The following CTNNA1 variants were observed in gnomAD, a reference collection of about 807,000 sequenced individuals.
The protein encoded by CTNNA1 is catenin alpha 1.
A neutral mutation model predicts 98.4 loss-of-function variants in CTNNA1; 37 were observed. The ratio of observed to expected loss-of-function variants is 0.38; its 90% CI spans 0.29 to 0.49. The LOEUF (loss-of-function observed/expected upper bound fraction) is 0.49, where lower values mean the gene tolerates loss of function less well. Ranked by LOEUF, CTNNA1 falls within the 20% of genes least tolerant of loss-of-function variation. The pLI, the probability that CTNNA1 is intolerant of heterozygous loss-of-function variation, is 0.95. For synonymous variants in CTNNA1, 404 were observed against 413.2 expected (o/e 0.98, Z 0.27); for missense variants, 761 against 1,147.2 (o/e 0.66, Z 4.86).
At chr5:138,799,024 ACT>A (rs1186473483) in intron 3 of CTNNA1, among the ~76,000 whole-genome samples, 2 of 151,684 alleles carry the variant, frequency 1.3e-5, no homozygotes, top group East Asian at 1.9e-4. Flanking sequence ...ATGGAGTCTT[ACT>A]CTGTCACCCA....
chr5:138,922,043 T>G (rs1371936667), intron 11 of CTNNA1, among the ~76,000 whole-genome samples: 1 of 152,122 alleles, frequency 6.6e-6, no homozygotes, highest in East Asian at 1.9e-4. Flanking sequence ...GCAGCAGCCC[T>G]GCATACGCTG....
intron 1 of CTNNA1, 37 bp from the exon 2 acceptor site, chr5:138,781,886 T>A (rs1372950951): frequency 6.5e-7 from 1 of 1,544,382 alleles, no homozygotes; most frequent in South Asian, 1.2e-5. Context: ...TGTTTGTGTT[T>A]GATGTTTGCC....
intron 7 of CTNNA1, among the ~76,000 whole-genome samples, chr5:138,846,774 C>G (rs1005522444): frequency 6.6e-6 from 1 of 152,152 alleles, no homozygotes; most frequent in Non-Finnish European, 1.5e-5. Context: ...AAAAACCCCT[C>G]AAATTATACT....
In CTNNA1 at chr5:138,934,191, C is replaced by T; in HGVS notation, c.*102C>T. ...TAAATACAACACTGATACTAGATTC[C>T]ACAGGGAAATGGGCAGACTGAACCA... On this transcript the variant is annotated 3_prime_UTR_variant, in exon 18 of 18. Transcript: ENST00000302763. 1.2e-6 allele frequency: 1 copy of T among 862,662 alleles called. No homozygotes were observed. Among genetic ancestry groups the T allele is most frequent in the Non-Finnish European group, 1.8e-6 (1 of 561,008 alleles). The allele number at this position is 862,662 out of a possible 1,614,324, so 53.4% of individuals were successfully genotyped here.
At chr5:138,903,802 C>A (rs1321253377) in intron 9 of CTNNA1, among the ~76,000 whole-genome samples, 4 of 152,138 alleles carry the variant, frequency 2.6e-5, no homozygotes, top group African/African-American at 9.7e-5. Context: ...TGCCTTTGGT[C>A]CATCTTGATG....
At chr5:138,880,013 A>G (rs1159036158) in intron 7 of CTNNA1, among the ~76,000 whole-genome samples, 1 of 152,224 alleles carries the variant, frequency 6.6e-6, no homozygotes, top group East Asian at 1.9e-4. Flanking sequence ...TAGTTCAGCA[A>G]GAAATCTTGG....
intron 7 of CTNNA1, among the ~76,000 whole-genome samples, chr5:138,867,454 T>A (rs1191455684): frequency 1.3e-5 from 2 of 152,178 alleles, no homozygotes; most frequent in Non-Finnish European, 2.9e-5. Context: ...AGGTGTAGAA[T>A]CCTGTCCTGA....
Position 138,931,854 on chromosome 5 carries a change from C to G in CTNNA1, c.2299-724C>G, listed in dbSNP as rs925807440. On this transcript the variant is annotated intron_variant, in intron 16 of 17. Coordinates refer to ENST00000302763, the MANE Select transcript of CTNNA1 (RefSeq NM_001903.5). ...ACCACTCTCTGTGGTGTACTTTGCT[C>G]CAGCCTCACTGGAAGAAAATGTTTG... 1.3e-5 allele frequency: 13 copies of G among 985,380 alleles called. No individual in the cohort carries two copies. In the African/African-American group the frequency reaches 2.3e-4, roughly 17 times the overall value. 61.0% of individuals were successfully genotyped at this position (985,380 alleles called of 1,614,324 possible).
chr5:138,932,992 G>A (rs1271263372), intron 17 of CTNNA1: 1 of 765,464 alleles, frequency 1.3e-6, no homozygotes, highest in African/African-American at 1.7e-5. Flanking sequence ...TTGGGACCGG[G>A]CGTGGTGGCA....
rs1286464491 is a variant in CTNNA1 at position 138,934,538 on chromosome 5, CCTGGAGAAGGCATGTTCCCAGAAAGGTCT to C, written c.*456_*484del. On this transcript the variant is annotated 3_prime_UTR_variant, in exon 18 of 18. Coordinates refer to ENST00000302763, the MANE Select transcript of CTNNA1 (RefSeq NM_001903.5). ...AACCTGGGCATCTTAGGAAGCAGTC[CCTGGAGAAGGCATGTTCCCAGAAAGGTCT>C]CTGGAGGGACAAACTCACTCAGTAA... is the stretch of plus-strand genomic sequence containing the variant. 2 of 160,130 alleles carry C rather than the reference CCTGGAGAAGGCATGTTCCCAGAAAGGTCT, an allele frequency of 1.2e-5. No homozygotes were observed. The highest frequency in any genetic ancestry group is 2.7e-5 in the Non-Finnish European group (2 of 73,430). The allele number at this position is 160,130 out of a possible 1,614,324, so 9.9% of individuals were successfully genotyped here. A position where few individuals can be genotyped will look rare whatever the true frequency, so the allele number is the denominator to read the frequency against.
chr5:138,912,451 G>A (rs1204656080), intron 10 of CTNNA1, among the ~76,000 whole-genome samples: 1 of 152,212 alleles, frequency 6.6e-6, no homozygotes, highest in Non-Finnish European at 1.5e-5. Context: ...AATAGTGTTT[G>A]AGAAAATCCA....
intron 1 of CTNNA1, among the ~76,000 whole-genome samples, chr5:138,766,732 C>T (rs1445704014): frequency 5.3e-5 from 8 of 151,826 alleles, no homozygotes; most frequent in Admixed American, 3.9e-4. Flanking sequence ...AGAGGGGATG[C>T]TTGGTTTGGG....
At chr5:138,933,345 C>T (rs1472892959) in intron 17 of CTNNA1, among the ~76,000 whole-genome samples, 1 of 152,060 alleles carries the variant, frequency 6.6e-6, no homozygotes, top group Admixed American at 6.5e-5. Context: ...TGGGGTCCAC[C>T]GAGCCTCCAT....
intron 9 of CTNNA1, among the ~76,000 whole-genome samples, chr5:138,892,223 C>G (rs955127835): frequency 3.3e-5 from 5 of 150,426 alleles, no homozygotes; most frequent in African/African-American, 1.2e-4. Flanking sequence ...TCTAAATTGA[C>G]TGAGACCTAT....
intron 3 of CTNNA1, chr5:138,790,969 T>G (rs1756290102): frequency 6.6e-6 from 1 of 152,216 alleles, no homozygotes; most frequent in Non-Finnish European, 1.5e-5. Context: ...AGCCTCTTCT[T>G]CAGTGCTGAA....
At chr5:138,889,025 G>T (rs1754752146) in intron 9 of CTNNA1, among the ~76,000 whole-genome samples, 1 of 152,224 alleles carries the variant, frequency 6.6e-6, no homozygotes, top group South Asian at 2.1e-4. Flanking sequence ...AAAATTAGAA[G>T]ACTTTGATTT....
intron 7 of CTNNA1, among the ~76,000 whole-genome samples, chr5:138,877,889 G>A (rs889312710): frequency 2.6e-5 from 4 of 152,154 alleles, no homozygotes; most frequent in African/African-American, 9.7e-5. Context: ...AGTTCCTTGG[G>A]GAGAAAAGCA....
intron 11 of CTNNA1, 120 bp downstream of exon 11, chr5:138,918,018 G>T: frequency 1.9e-6 from 2 of 1,065,948 alleles, no homozygotes; most frequent in South Asian, 1.6e-5. Flanking sequence ...CAATAATATT[G>T]TGCTGGTTTT....
chr5:138,924,364 T>C, intron 11 of CTNNA1, 146 bp from the exon 12 acceptor site: 1 of 665,146 alleles, frequency 1.5e-6, no homozygotes, highest in Non-Finnish European at 2.6e-6. Context: ...CTGTCACTAG[T>C]CACTGGTCTC....
Sources: allele counts gnomAD v4.1 joint callset (sites outside exome capture counted in the v4.1 genomes callset), GRCh38; gene constraint gnomAD v4.1.1; transcripts MANE v1.5; gene names NCBI Gene and HGNC (gene_info 2026-07-23, HGNC 2026-07-21).